The following ANKIB1 variants were observed in gnomAD, a reference collection of about 807,000 sequenced individuals.
The protein encoded by ANKIB1 is ankyrin repeat and IBR domain-containing protein 1.
Under a neutral mutation model 122.1 loss-of-function variants are expected in ANKIB1, and 43 were observed. That is an observed-to-expected ratio of 0.35 (90% CI 0.28 to 0.45). The LOEUF (loss-of-function observed/expected upper bound fraction) is 0.45. Ranked by LOEUF, ANKIB1 falls within the 20% of genes least tolerant of loss-of-function variation. The pLI, the probability that ANKIB1 is intolerant of heterozygous loss-of-function variation, is 1.00. For missense variants in ANKIB1, 992 were observed against 1,329.5 expected, an observed-to-expected ratio of 0.75 and a Z score of 3.95; for synonymous variants, 390 against 442.0, an observed-to-expected ratio of 0.88 and a Z score of 1.48.
chr7:92,252,832 A>G (rs916432116), intron 1 of ANKIB1, among the ~76,000 whole-genome samples: 2 of 151,552 alleles, frequency 1.3e-5, no homozygotes, highest in African/African-American at 2.4e-5. Context: ...TGCTTTGTCT[A>G]CTAGAGTAGA....
At chr7:92,339,243 T>C (rs566957404) in intron 5 of ANKIB1, among the ~76,000 whole-genome samples, 31 of 151,468 alleles carry the variant, frequency 2.0e-4, no homozygotes, top group South Asian at 1.5e-3. Context: ...GGGGTTTCAC[T>C]GTGTTAGCCA....
intron 5 of ANKIB1, among the ~76,000 whole-genome samples, chr7:92,341,907 A>T (rs992639646): frequency 6.6e-5 from 10 of 152,214 alleles, no homozygotes; most frequent in Non-Finnish European, 1.5e-4. Context: ...ATCAGGACTT[A>T]ACCCCATCGT....
chr7:92,357,013 AT>A (rs1803829292), intron 9 of ANKIB1, among the ~76,000 whole-genome samples: 1 of 152,260 alleles, frequency 6.6e-6, no homozygotes, highest in South Asian at 2.1e-4. Context: ...TTGAACTGAA[AT>A]TGCCAACTTC....
At chr7:92,332,836 A>T (rs1399585815) in intron 5 of ANKIB1, among the ~76,000 whole-genome samples, 1 of 152,200 alleles carries the variant, frequency 6.6e-6, no homozygotes, top group Admixed American at 6.5e-5. Flanking sequence ...TCTGAGCTCC[A>T]TATTTCATAC....
chr7:92,301,301 T>C (rs755878333), intron 2 of ANKIB1, among the ~76,000 whole-genome samples: 1 of 152,172 alleles, frequency 6.6e-6, no homozygotes, highest in Non-Finnish European at 1.5e-5. Context: ...CCAATTTACA[T>C]TTCCATGAGC....
rs369719181 is a variant in ANKIB1 at position 92,260,393 on chromosome 7, A to G, written c.-91+13874A>G. Among the ~76,000 whole-genome samples the G allele has an allele frequency of 3.1e-4, 47 of 152,286 alleles. 1 individual carries two copies. The highest frequency in any genetic ancestry group is 9.6e-4 in the African/African-American group (40 of 41,556). ...TTCTTTAGCTCGTTGATGAAACGTC[A>G]CTTTGGGCTTGGCCGGTGGCTCACC... On this transcript the variant is annotated intron_variant, in intron 1 of 19. Transcript: ENST00000265742.
intron 1 of ANKIB1, among the ~76,000 whole-genome samples, chr7:92,250,052 A>T (rs1047197858): frequency 6.6e-6 from 1 of 152,156 alleles, no homozygotes; most frequent in African/African-American, 2.4e-5. Flanking sequence ...ATTGCTTTGA[A>T]TAGAAAAATC....
chr7:92,354,269 T>G lies in ANKIB1; in HGVS notation c.1397+1627T>G, dbSNP rs960484796. Among the ~76,000 whole-genome samples the G allele has an allele frequency of 7.9e-5, 12 of 152,288 alleles. No homozygotes were observed. In the South Asian group the frequency reaches 2.5e-3, roughly 32 times the overall value. ...CTAGAATAACATTTGGAGAAATACA[T>G]CAGCTTACTTTTTCTCATACCCCAA... On this transcript the variant is annotated intron_variant, in intron 9 of 19. Transcript: ENST00000265742.
At chr7:92,289,810 TTTTC>T (rs1802209645) in intron 1 of ANKIB1, among the ~76,000 whole-genome samples, 1 of 152,180 alleles carries the variant, frequency 6.6e-6, no homozygotes, top group Admixed American at 6.5e-5. Flanking sequence ...TGCTGCCTTG[TTTTC>T]TTTCTTTACC....
chr7:92,255,102 T>A (rs1378080664), intron 1 of ANKIB1, among the ~76,000 whole-genome samples: 1 of 152,252 alleles, frequency 6.6e-6, no homozygotes, highest in South Asian at 2.1e-4. Flanking sequence ...CCCAGCCATG[T>A]GGAACCATAG....
At chr7:92,306,440 T>A (rs1175171338) in intron 2 of ANKIB1, among the ~76,000 whole-genome samples, 1 of 152,078 alleles carries the variant, frequency 6.6e-6, no homozygotes, top group Non-Finnish European at 1.5e-5. Context: ...TGGAATTAGA[T>A]CTTAGTCTTC....
At chr7:92,324,951 A>G (rs1384305830) in intron 4 of ANKIB1, among the ~76,000 whole-genome samples, 1 of 152,254 alleles carries the variant, frequency 6.6e-6, no homozygotes, top group Non-Finnish European at 1.5e-5. Context: ...AGAAACACAC[A>G]AATAAGTTTA....
At chr7:92,359,882 C>A (rs939189827) in intron 9 of ANKIB1, among the ~76,000 whole-genome samples, 1 of 152,106 alleles carries the variant, frequency 6.6e-6, no homozygotes, top group African/African-American at 2.4e-5. Flanking sequence ...CTCAGCCTCC[C>A]GAGTAGCCAT....
chr7:92,306,283 T>C (rs2131933945), intron 2 of ANKIB1, among the ~76,000 whole-genome samples: 1 of 152,242 alleles, frequency 6.6e-6, no homozygotes, highest in Non-Finnish European at 1.5e-5. Context: ...TTTTGGAGGC[T>C]CCAGGGTAGA....
chr7:92,261,432 A>G (rs1020923552), intron 1 of ANKIB1, among the ~76,000 whole-genome samples: 1 of 148,380 alleles, frequency 6.7e-6, no homozygotes, highest in African/African-American at 2.5e-5. Context: ...TTGTTTGGCA[A>G]CATACTACAC....
chr7:92,399,985 T>C lies in ANKIB1; in HGVS notation c.*1036T>C, dbSNP rs547135877. On this transcript the variant is annotated 3_prime_UTR_variant, in exon 20 of 20. Transcript: ENST00000265742. ...GTAAATCCCACGATTATTAAGAAAT[T>C]CAGTAAAACATCCTGCGCAACATGT... The C allele has an allele frequency of 2.9e-4, 44 of 152,252 alleles. No individual in the cohort carries two copies. Among genetic ancestry groups the C allele is most frequent in the African/African-American group, 1.0e-3 (43 of 41,540 alleles). The allele number at this position is 152,252 out of a possible 1,614,324, so 9.4% of individuals were successfully genotyped here.
intron 1 of ANKIB1, among the ~76,000 whole-genome samples, chr7:92,261,800 G>A (rs1419015008): frequency 6.6e-6 from 1 of 152,162 alleles, no homozygotes; most frequent in Non-Finnish European, 1.5e-5. Context: ...GCTTGCTATG[G>A]AAGTCATATG....
At chr7:92,383,313 C>A (rs1804561597) in intron 11 of ANKIB1, among the ~76,000 whole-genome samples, 1 of 152,124 alleles carries the variant, frequency 6.6e-6, no homozygotes, top group Non-Finnish European at 1.5e-5. Flanking sequence ...ACCAGAGCTG[C>A]CAAGAGGAGA....
At chr7:92,396,903 T>C (rs963957374) in intron 18 of ANKIB1, among the ~76,000 whole-genome samples, 1 of 152,194 alleles carries the variant, frequency 6.6e-6, no homozygotes, top group African/African-American at 2.4e-5. Flanking sequence ...CTCCTAGCCT[T>C]AGTTGTCCTG....
Sources: allele counts gnomAD v4.1 joint callset (sites outside exome capture counted in the v4.1 genomes callset), GRCh38; gene constraint gnomAD v4.1.1; transcripts MANE v1.5; gene names NCBI Gene and HGNC (gene_info 2026-07-23, HGNC 2026-07-21).